Variants in GALM observed in about 807,000 individuals in gnomAD.
GALM encodes galactose mutarotase.
GALM carries 43 observed loss-of-function variants against 37.4 expected under a neutral mutation model. That is an observed-to-expected ratio of 1.15 (90% CI 0.90 to 1.48). The LOEUF is 1.48. Ranked by LOEUF, GALM falls within the 40% of genes most tolerant of loss-of-function variation. The pLI is 0.00. For synonymous variants in GALM, 199 were observed against 170.6 expected (o/e 1.17, Z -1.30); for missense variants, 456 against 419.1 (o/e 1.09, Z -0.77).
intron 4 of GALM, among the ~76,000 whole-genome samples, chr2:38,720,793 C>T (rs1666360741): frequency 6.6e-6 from 1 of 152,212 alleles, no homozygotes; most frequent in African/African-American, 2.4e-5. Context: ...ACAGCCCACA[C>T]ACAGCCTCTC....
chr2:38,666,210 G>A lies in GALM; in HGVS notation c.49G>A (p.Gly17Arg). Residue 17 changes from glycine to arginine, a missense_variant, in exon 1 of 7, where the codon GGG becomes AGG. Physicochemically the swap from Gly to Arg is moderately radical, Grantham distance 125. Coordinates refer to ENST00000272252, the MANE Select transcript of GALM (RefSeq NM_138801.3). The part of the protein sequence containing the change: ...AVFGELPSGG[G>R]TVEKFQLQSD... ...GTTTGGAGAGCTGCCCTCGGGAGGA[G>A]GGACAGTGGAGAAGTTCCAGCTGCA... 2 of 1,613,958 alleles carry A rather than the reference G, an allele frequency of 1.2e-6. No individual in the cohort carries two copies. The highest frequency in any genetic ancestry group is 1.7e-6 in the Non-Finnish European group (2 of 1,179,912).
At chr2:38,667,995 C>A (rs932498206) in intron 1 of GALM, among the ~76,000 whole-genome samples, 1 of 152,130 alleles carries the variant, frequency 6.6e-6, no homozygotes, top group Non-Finnish European at 1.5e-5. Context: ...CAGGCCTTGC[C>A]GAGTTTCCCC....
rs755815846 is a variant in GALM at position 38,681,262 on chromosome 2, G to T, written c.346-18G>T. 1 of 1,608,176 alleles carries T rather than the reference G, an allele frequency of 6.2e-7. No individual in the cohort carries two copies. Among genetic ancestry groups the T allele is most frequent in the Non-Finnish European group, 8.5e-7 (1 of 1,176,250 alleles). ...GAGGATGGAGCAACTACACAACTTT[G>T]AAAACACTTTTTTCCAGGTGCTCTG... On this transcript the variant is annotated intron_variant, in intron 2 of 6. Transcript: ENST00000272252.
intron 2 of GALM, chr2:38,680,110 CT>C (rs1665359513): frequency 1.3e-5 from 6 of 449,858 alleles, no homozygotes; most frequent in South Asian, 7.8e-5. Flanking sequence ...CCTCAACCTC[CT>C]GGGCTCAAGC....
At chr2:38,672,039 A>AC (rs374197245) in intron 1 of GALM, among the ~76,000 whole-genome samples, 98 of 152,118 alleles carry the variant, frequency 6.4e-4, no homozygotes, top group African/African-American at 2.1e-3. Flanking sequence ...GGAAAAAAAA[A>AC]AACAACAAAA....
intron 4 of GALM, among the ~76,000 whole-genome samples, chr2:38,692,755 G>C (rs1361028340): frequency 6.6e-6 from 1 of 152,182 alleles, no homozygotes; most frequent in African/African-American, 2.4e-5. Flanking sequence ...CAGAGGGCAG[G>C]CACTGCTGAG....
In GALM at chr2:38,733,422, A is replaced by G. The variant is rs775907321; in HGVS notation, c.952-66A>G. 225 of 1,341,606 alleles carry G rather than the reference A, an allele frequency of 1.7e-4. 1 individual carries two copies. The highest frequency in any genetic ancestry group is 2.2e-4 in the Non-Finnish European group (202 of 934,168). 83.1% of individuals were successfully genotyped at this position (1,341,606 alleles called of 1,614,324 possible). ...CTGGTCTAGAAGCCCGTCCAGAAGC[A>G]CACCCAAATGGTTAATGTTGCAGCC... is the stretch of plus-strand genomic sequence containing the variant. On this transcript the variant is annotated intron_variant, in intron 6 of 6. Coordinates refer to ENST00000272252, the MANE Select transcript of GALM (RefSeq NM_138801.3).
chr2:38,699,646 A>G (rs569944049), intron 4 of GALM, among the ~76,000 whole-genome samples: 9 of 152,258 alleles, frequency 5.9e-5, no homozygotes, highest in South Asian at 2.1e-4. Context: ...AGCAAGAACC[A>G]TCTTAAAAAA....
intron 5 of GALM, among the ~76,000 whole-genome samples, chr2:38,730,224 G>A (rs1666574755): frequency 6.6e-6 from 1 of 152,142 alleles, no homozygotes; most frequent in South Asian, 2.1e-4. Context: ...TATCATCCTT[G>A]GCACTAGCAA....
Position 38,710,111 on chromosome 2 carries a change from A to T in GALM, c.635-19445A>T, listed in dbSNP as rs189897936. Among the ~76,000 whole-genome samples, 326 of 152,302 alleles carry T rather than the reference A, an allele frequency of 2.1e-3. 4 individuals are homozygous for T. Among genetic ancestry groups the T allele is most frequent in the African/African-American group, 7.6e-3 (317 of 41,556 alleles). On this transcript the variant is annotated intron_variant, in intron 4 of 6. Transcript: ENST00000272252. Reference sequence around the variant, plus strand: ...CCTGGGGCTTCCTCAGATGATCTCCACATCAGTGCTTGTCAGCATTCATGT... The same window carrying T: ...CCTGGGGCTTCCTCAGATGATCTCCTCATCAGTGCTTGTCAGCATTCATGT...
At chr2:38,730,593 G>C (rs897036937) in intron 5 of GALM, among the ~76,000 whole-genome samples, 9 of 152,070 alleles carry the variant, frequency 5.9e-5, no homozygotes, top group Non-Finnish European at 1.3e-4. Flanking sequence ...CAGAAAAAAT[G>C]ACTCAAACCA....
intron 4 of GALM, among the ~76,000 whole-genome samples, chr2:38,719,264 G>A (rs1290231913): frequency 6.6e-6 from 1 of 151,728 alleles, no homozygotes; most frequent in Non-Finnish European, 1.5e-5. Context: ...GAGGTCAGGA[G>A]TTCAAGACCA....
rs142383588 is a variant in GALM at position 38,676,632 on chromosome 2, G to A, written c.345+566G>A. Among the ~76,000 whole-genome samples the A allele has an allele frequency of 6.6e-3, 1,009 of 152,164 alleles. 12 individuals carry two copies. Among genetic ancestry groups the A allele is most frequent in the African/African-American group, 0.023 (947 of 41,536 alleles). ...ACAAAACTTAGCTGGGTGTGGTGGC[G>A]GCCACCTGTAATCCCAGCTACTCTG... On this transcript the variant is annotated intron_variant, in intron 2 of 6. Transcript: ENST00000272252.
chr2:38,702,338 A>C (rs888612057), intron 4 of GALM, among the ~76,000 whole-genome samples: 2 of 152,156 alleles, frequency 1.3e-5, no homozygotes, highest in African/African-American at 4.8e-5. Context: ...AAAAAATAAA[A>C]ATTTAAAAAT....
intron 1 of GALM, chr2:38,668,760 C>G (rs1366504811): frequency 6.6e-6 from 1 of 151,080 alleles, no homozygotes; most frequent in East Asian, 1.9e-4. Context: ...GAGACCCTGT[C>G]TCTAAAATAA....
In GALM at chr2:38,666,194, G is replaced by C; in HGVS notation, c.33G>C (p.Glu11Asp). 6.2e-7 allele frequency: 1 copy of C among 1,613,748 alleles called. No individual in the cohort carries two copies. The highest frequency in any genetic ancestry group is 1.7e-5 in the Admixed American group (1 of 59,944). The change falls in exon 1 of 7, where the codon GAG (glutamate) becomes GAC (aspartate). Residue 11 changes from glutamate (E) to aspartate (D), a missense_variant. Transcript: ENST00000272252. ...CGGTGACCAGGGCCGTGTTTGGAGA[G>C]CTGCCCTCGGGAGGAGGGACAGTGG... MASVTRAVFG[E>D]LPSGGGTVEK... is the part of the protein sequence containing the mutation.
chr2:38,682,369 A>C (rs1480602591), intron 3 of GALM: 1 of 334,128 alleles, frequency 3.0e-6, no homozygotes, highest in East Asian at 7.6e-5. Context: ...TACTTGACTC[A>C]CTTTGGCCTG....
intron 4 of GALM, among the ~76,000 whole-genome samples, chr2:38,709,117 C>A (rs1245793652): frequency 6.6e-6 from 1 of 151,710 alleles, no homozygotes; most frequent in Non-Finnish European, 1.5e-5. Flanking sequence ...AGACAGTGGG[C>A]CTAGACAGGT....
chr2:38,689,757 A>G, intron 3 of GALM, 56 bp from the exon 4 acceptor site: 1 of 1,048,682 alleles, frequency 9.5e-7, no homozygotes, highest in Non-Finnish European at 1.4e-6. Flanking sequence ...AAGTTAAAAA[A>G]CAAATATATG....
Sources: allele counts gnomAD v4.1 joint callset (sites outside exome capture counted in the v4.1 genomes callset), GRCh38; gene constraint gnomAD v4.1.1; transcripts MANE v1.5; gene names NCBI Gene and HGNC (gene_info 2026-07-23, HGNC 2026-07-21).